DLG2: variants seen among roughly 807,000 people sequenced by gnomAD.
DLG2 encodes the protein discs large MAGUK scaffold protein 2.
DLG2 carries 45 observed loss-of-function variants against 132.5 expected under a neutral mutation model. The observed-to-expected ratio is 0.34, with a 90% confidence interval of 0.27 to 0.44. DLG2 has a LOEUF of 0.44. Ranked by LOEUF, DLG2 falls within the 20% of genes least tolerant of loss-of-function variation. DLG2 has a pLI of 1.00. For missense variants in DLG2, 1,045 were observed against 1,196.9 expected (o/e 0.87, Z 1.87); for synonymous variants, 424 against 419.6 (o/e 1.01, Z -0.13).
At chr11:83,916,439 T>C (rs1357564199) in intron 15 of DLG2, among the ~76,000 whole-genome samples, 1 of 151,916 alleles carries the variant, frequency 6.6e-6, no homozygotes, top group Non-Finnish European at 1.5e-5. Context: ...TCTCAACCTC[T>C]TGAGTAGCTG....
At chr11:83,897,028 A>G (rs34540949) in intron 15 of DLG2, among the ~76,000 whole-genome samples, 22,412 of 152,180 alleles carry the variant, frequency 0.15, 1,668 homozygotes, top group East Asian at 0.2. Flanking sequence ...ATCACTTTTA[A>G]TAGATGCTGG....
chr11:84,265,534 C>T (rs1032919253), intron 7 of DLG2, among the ~76,000 whole-genome samples: 1 of 152,138 alleles, frequency 6.6e-6, no homozygotes, highest in Non-Finnish European at 1.5e-5. Context: ...TTAACCATTT[C>T]TGATCCTGGC....
At chr11:84,783,440 C>T (rs1265219484) in intron 6 of DLG2, among the ~76,000 whole-genome samples, 1 of 152,160 alleles carries the variant, frequency 6.6e-6, no homozygotes, top group Admixed American at 6.5e-5. Flanking sequence ...TCTGTAGCAT[C>T]CTTTCTGCCA....
At chr11:83,871,655 C>A (rs1317536350) in intron 16 of DLG2, among the ~76,000 whole-genome samples, 4 of 41,854 alleles carry the variant, frequency 9.6e-5, no homozygotes, top group African/African-American at 3.9e-4. Context: ...ATCTCTTCAT[C>A]TGACAACCAG....
At chr11:85,146,708 C>A (rs1309505568) in intron 5 of DLG2, among the ~76,000 whole-genome samples, 1 of 152,224 alleles carries the variant, frequency 6.6e-6, no homozygotes, top group Non-Finnish European at 1.5e-5. Context: ...AACACAAACA[C>A]TTCCTTGGGT....
intron 6 of DLG2, among the ~76,000 whole-genome samples, chr11:84,672,885 A>G (rs901804594): frequency 2.6e-5 from 4 of 152,264 alleles, no homozygotes; most frequent in Non-Finnish European, 4.4e-5. Context: ...GCATGGCAGC[A>G]TCAGCATCTG....
At chr11:84,551,885 T>C (rs1015577427) in intron 6 of DLG2, among the ~76,000 whole-genome samples, 1 of 152,158 alleles carries the variant, frequency 6.6e-6, no homozygotes, top group African/African-American at 2.4e-5. Flanking sequence ...ACACTGCCAT[T>C]TCTCTGGTCA....
chr11:85,030,077 T>C (rs1407252362), intron 6 of DLG2, among the ~76,000 whole-genome samples: 2 of 152,224 alleles, frequency 1.3e-5, no homozygotes, highest in African/African-American at 2.4e-5. Context: ...CACTGGAGTC[T>C]ACCCTAGCGG....
chr11:83,686,803 A>G (rs577229382), intron 18 of DLG2, among the ~76,000 whole-genome samples: 3 of 152,308 alleles, frequency 2.0e-5, no homozygotes, highest in South Asian at 4.1e-4. Flanking sequence ...TGATACAACA[A>G]TTCCAGAGAT....
At chr11:84,123,069 T>C (rs1007303606) in intron 9 of DLG2, among the ~76,000 whole-genome samples, 7 of 152,218 alleles carry the variant, frequency 4.6e-5, no homozygotes, top group African/African-American at 1.7e-4. Flanking sequence ...TGGACTATGC[T>C]AGGTACTTTC....
intron 12 of DLG2, among the ~76,000 whole-genome samples, chr11:83,980,193 T>A (rs1357225591): frequency 6.6e-6 from 1 of 152,062 alleles, no homozygotes; most frequent in Non-Finnish European, 1.5e-5. Flanking sequence ...CTGGGCCTTG[T>A]AAGAGGTGGC....
At chr11:84,564,161 G>A (rs1437121466) in intron 6 of DLG2, among the ~76,000 whole-genome samples, 2 of 152,202 alleles carry the variant, frequency 1.3e-5, no homozygotes, top group African/African-American at 2.4e-5. Flanking sequence ...AACTGAAGCT[G>A]TGACAATAAC....
At chr11:84,031,232 T>TA (rs34137957) in intron 11 of DLG2, among the ~76,000 whole-genome samples, 2,488 of 138,648 alleles carry the variant, frequency 0.018, 58 homozygotes, top group African/African-American at 0.059. Flanking sequence ...TCCAGAAAGG[T>TA]AAAAAAAAAA....
intron 4 of DLG2, among the ~76,000 whole-genome samples, chr11:85,172,853 A>T (rs1209448478): frequency 6.6e-6 from 1 of 152,160 alleles, no homozygotes; most frequent in Non-Finnish European, 1.5e-5. Flanking sequence ...AGCATAGACC[A>T]AGCAGAGGAA....
chr11:83,711,126 A>G (rs2085322717), intron 18 of DLG2, among the ~76,000 whole-genome samples: 1 of 152,216 alleles, frequency 6.6e-6, no homozygotes, highest in African/African-American at 2.4e-5. Context: ...TGTGCATTCA[A>G]AGAATGCAAT....
rs146918735 is a variant in DLG2, at chr11:83,935,274, A to T, written c.1341-4791T>A. On this transcript the variant is annotated intron_variant, in intron 14 of 27. Transcript: ENST00000376104. ...TCATGCTCCTCTTTACAAATAATAC[A>T]CTGTTTATTGGGCCAAGGATTTGGA... Among the ~76,000 whole-genome samples the T allele has an allele frequency of 7.3e-3, 1,118 of 152,278 alleles. 56 individuals carry two copies. The highest frequency in any genetic ancestry group is 0.068 in the Admixed American group (1,038 of 15,286).
intron 6 of DLG2, among the ~76,000 whole-genome samples, chr11:84,549,558 T>C (rs2099397506): frequency 6.6e-6 from 1 of 152,186 alleles, no homozygotes; most frequent in African/African-American, 2.4e-5. Flanking sequence ...ATCCTGTTCC[T>C]GCACCAACCA....
intron 3 of DLG2, among the ~76,000 whole-genome samples, chr11:85,410,609 C>T (rs996184131): frequency 6.6e-6 from 1 of 151,768 alleles, no homozygotes; most frequent in African/African-American, 2.4e-5. Flanking sequence ...CAACTGTATA[C>T]CAGTGGGTCC....
At chr11:84,557,374 T>G (rs1399830651) in intron 6 of DLG2, among the ~76,000 whole-genome samples, 8 of 152,094 alleles carry the variant, frequency 5.3e-5, no homozygotes, top group Admixed American at 1.3e-4. Context: ...TGATTTTAGC[T>G]CCCACAATGA....
Sources: allele counts gnomAD v4.1 joint callset (sites outside exome capture counted in the v4.1 genomes callset), GRCh38; gene constraint gnomAD v4.1.1; transcripts MANE v1.5; gene names NCBI Gene and HGNC (gene_info 2026-07-23, HGNC 2026-07-21).